The following ENPP1 variants were observed in gnomAD, a reference collection of about 807,000 sequenced individuals.
The protein encoded by ENPP1 is ectonucleotide pyrophosphatase/phosphodiesterase 1.
ENPP1 carries 73 observed loss-of-function variants against 122.8 expected under a neutral mutation model. That is an observed-to-expected ratio of 0.59 (90% CI 0.49 to 0.72). The LOEUF (loss-of-function observed/expected upper bound fraction) is 0.72, where lower values mean the gene tolerates loss of function less well. ENPP1 is among the 30% of genes least tolerant of loss of function. The pLI is 0.00. For synonymous variants in ENPP1, 367 were observed against 391.6 expected (o/e 0.94, Z 0.74); for missense variants, 978 against 1,128.1 (o/e 0.87, Z 1.91).
chr6:131,818,118 G>A (rs557145568), intron 1 of ENPP1, among the ~76,000 whole-genome samples: 2 of 152,068 alleles, frequency 1.3e-5, no homozygotes, highest in Admixed American at 6.6e-5. Flanking sequence ...GGATCTTGAT[G>A]CTCTCTTATG....
intron 1 of ENPP1, among the ~76,000 whole-genome samples, chr6:131,832,360 A>T (rs1221807894): frequency 1.3e-5 from 2 of 152,200 alleles, no homozygotes; most frequent in Non-Finnish European, 2.9e-5. Flanking sequence ...ATATGTGTGG[A>T]TTAGTTTTCA....
intron 6 of ENPP1, 47 bp from the exon 7 acceptor site, chr6:131,858,621 A>G: frequency 7.9e-7 from 1 of 1,268,466 alleles, no homozygotes; most frequent in Non-Finnish European, 1.1e-6. Context: ...GAGGTAAGCC[A>G]ATTGTCAGAT....
At chr6:131,877,401 T>A (rs1782244349) in intron 18 of ENPP1, 1 of 536,464 alleles carries the variant, frequency 1.9e-6, no homozygotes, top group African/African-American at 1.9e-5. Context: ...TGGGTGCAGG[T>A]GTGGTGAAGT....
At chr6:131,869,780 C>T (rs910866083) in intron 13 of ENPP1, among the ~76,000 whole-genome samples, 6 of 150,868 alleles carry the variant, frequency 4.0e-5, no homozygotes, top group African/African-American at 1.5e-4. Context: ...CGCTTGAACC[C>T]AGGAGGCGGA....
Position 131,858,662 on chromosome 6 carries a change from T to C in ENPP1, c.716-6T>C. On this transcript the variant is annotated splice_polypyrimidine_tract_variant and splice_region_variant and intron_variant, in intron 6 of 24. Transcript: ENST00000647893. ...TAATAACAATGTTTATTTTTTTCCCTTCTAGAAAAATGTGGAACATATACT... is the reference window on the plus strand; with the variant it reads ...TAATAACAATGTTTATTTTTTTCCCCTCTAGAAAAATGTGGAACATATACT... 6.3e-7 allele frequency: 1 copy of C among 1,584,694 alleles called. No individual in the cohort carries two copies. Among genetic ancestry groups the C allele is most frequent in the Non-Finnish European group, 8.7e-7 (1 of 1,153,934 alleles).
At chr6:131,865,815 A>C (rs1394040990) in intron 11 of ENPP1, among the ~76,000 whole-genome samples, 1 of 152,006 alleles carries the variant, frequency 6.6e-6, no homozygotes, top group Non-Finnish European at 1.5e-5. Flanking sequence ...CCAACATGGC[A>C]AAACCCTGTC....
chr6:131,889,913 TA>T (rs1434230124), intron 24 of ENPP1, among the ~76,000 whole-genome samples: 3 of 152,026 alleles, frequency 2.0e-5, no homozygotes, highest in African/African-American at 7.2e-5. Context: ...ACCAACAGTG[TA>T]AAAGCATTCC....
intron 2 of ENPP1, among the ~76,000 whole-genome samples, chr6:131,849,614 A>G (rs1781855879): frequency 6.6e-6 from 1 of 152,232 alleles, no homozygotes; most frequent in Non-Finnish European, 1.5e-5. Flanking sequence ...AGGGAACCCC[A>G]TGCCTGCTTA....
chr6:131,858,042 T>C lies in ENPP1; in HGVS notation c.716-626T>C, dbSNP rs1164610345. 2.6e-5 allele frequency among the ~76,000 whole-genome samples: 4 copies of C among 152,284 alleles called. No individual in the cohort carries two copies. In the East Asian group the frequency reaches 7.7e-4, roughly 29 times the overall value. On this transcript the variant is annotated intron_variant, in intron 6 of 24. Transcript: ENST00000647893. The stretch of plus-strand genomic sequence containing the variant: ...AGACACATGCCAATTTGAGGGACTT[T>C]TTTAGGCAAATGGAGTATTGAACGC...
At chr6:131,873,818 AAT>A (rs893943017) in intron 15 of ENPP1, among the ~76,000 whole-genome samples, 3 of 151,290 alleles carry the variant, frequency 2.0e-5, no homozygotes, top group African/African-American at 2.4e-5. Flanking sequence ...GTTTTCAAAA[AAT>A]ATATATATAT....
chr6:131,870,231 A>G (rs1782144152), intron 13 of ENPP1, among the ~76,000 whole-genome samples: 1 of 152,226 alleles, frequency 6.6e-6, no homozygotes, highest in Non-Finnish European at 1.5e-5. Flanking sequence ...GTGCTGGCAG[A>G]AATGATTAAT....
chr6:131,880,085 G>A, intron 20 of ENPP1, 51 bp downstream of exon 20: 1 of 1,525,782 alleles, frequency 6.6e-7, no homozygotes, highest in South Asian at 1.1e-5. Flanking sequence ...TAATGATTAA[G>A]CAGAACATTA....
chr6:131,850,153 G>C (rs1156610794), intron 3 of ENPP1, 47 bp downstream of exon 3: 1 of 1,295,078 alleles, frequency 7.7e-7, no homozygotes, highest in Admixed American at 1.7e-5. Flanking sequence ...ATTAGGAAAA[G>C]ATCAAGGAAA....
chr6:131,863,852 A>G (rs1278853047), intron 9 of ENPP1, among the ~76,000 whole-genome samples: 2 of 151,820 alleles, frequency 1.3e-5, no homozygotes. Flanking sequence ...GGAGGTGGAG[A>G]TTGCAGTGAA....
chr6:131,874,684 C>A (rs1350269786), intron 16 of ENPP1, among the ~76,000 whole-genome samples: 1 of 152,098 alleles, frequency 6.6e-6, no homozygotes, highest in Non-Finnish European at 1.5e-5. Flanking sequence ...AATCCCACTA[C>A]TGGGTATCTA....
intron 5 of ENPP1, among the ~76,000 whole-genome samples, chr6:131,852,821 T>G (rs563206467): frequency 3.3e-5 from 5 of 152,130 alleles, no homozygotes; most frequent in African/African-American, 7.2e-5. Context: ...TTTGGTCCAT[T>G]TATACATTTT....
At chr6:131,850,171 G>A in intron 3 of ENPP1, 65 bp downstream of exon 3, 1 of 1,109,864 alleles carries the variant, frequency 9.0e-7, no homozygotes, top group Non-Finnish European at 1.4e-6. Flanking sequence ...AAAGTTCTGT[G>A]TCTTTCAGGT....
chr6:131,815,871 A>ATTT (rs750091125), intron 1 of ENPP1, among the ~76,000 whole-genome samples: 2 of 115,840 alleles, frequency 1.7e-5, no homozygotes, highest in African/African-American at 3.4e-5. Context: ...CACCTGGCTA[A>ATTT]TTTTTTTTTT....
chr6:131,869,309 AT>A, intron 12 of ENPP1, 48 bp from the exon 13 acceptor site: 1 of 1,601,108 alleles, frequency 6.2e-7, no homozygotes, highest in Non-Finnish European at 8.5e-7. Context: ...TGCATATTAA[AT>A]TTTTTGTTAA....
Sources: allele counts gnomAD v4.1 joint callset (sites outside exome capture counted in the v4.1 genomes callset), GRCh38; gene constraint gnomAD v4.1.1; transcripts MANE v1.5; gene names NCBI Gene and HGNC (gene_info 2026-07-23, HGNC 2026-07-21).